Variants in A2M observed in about 807,000 individuals in gnomAD.
A2M encodes the protein alpha-2-macroglobulin.
A2M carries 128 observed loss-of-function variants against 183.9 expected under a neutral mutation model. The observed-to-expected ratio is 0.70, with a 90% CI of 0.60 to 0.81. The LOEUF (loss-of-function observed/expected upper bound fraction) is 0.81. Ranked by LOEUF, A2M falls within the 30% of genes least tolerant of loss-of-function variation. A2M has a pLI of 0.00. For synonymous variants in A2M, 592 were observed against 670.8 expected (o/e 0.88, Z 1.81); for missense variants, 1,495 against 1,787.6 (o/e 0.84, Z 2.95).
rs1003871616 is a variant in A2M at position 9,090,519 on chromosome 12, G to T, written c.2470-37C>A. 10 of 1,604,808 alleles carry T rather than the reference G, an allele frequency of 6.2e-6. No individual in the cohort carries two copies. In the Admixed American group the frequency reaches 1.5e-4, roughly 24 times the overall value. Reference sequence around the variant, plus strand: ...CATAAGAAAGGGAGTAGAGAGGGAAGGAGAACAGAGGGAGAATGGGTTTGA... The same window carrying T: ...CATAAGAAAGGGAGTAGAGAGGGAATGAGAACAGAGGGAGAATGGGTTTGA... On this transcript the variant is annotated intron_variant, in intron 19 of 35. Transcript: ENST00000318602.
chr12:9,096,377 A>G (rs1219009414), intron 15 of A2M, among the ~76,000 whole-genome samples: 1 of 152,224 alleles, frequency 6.6e-6, no homozygotes, highest in Non-Finnish European at 1.5e-5. Context: ...TTGAGATGAT[A>G]GAAGGAAATG....
intron 2 of A2M, 158 bp from the exon 3 acceptor site, chr12:9,112,694 C>T: frequency 1.4e-6 from 1 of 709,460 alleles, no homozygotes; most frequent in Non-Finnish European, 2.3e-6. Context: ...TCACTTCTGC[C>T]ATTTTACAAA....
intron 22 of A2M, among the ~76,000 whole-genome samples, chr12:9,086,681 A>C (rs1332115726): frequency 6.6e-6 from 1 of 152,248 alleles, no homozygotes; most frequent in Non-Finnish European, 1.5e-5. Flanking sequence ...TATAGCTTAC[A>C]TATTTAACAG....
intron 13 of A2M, among the ~76,000 whole-genome samples, chr12:9,099,889 C>G (rs1240580289): frequency 6.6e-6 from 1 of 152,184 alleles, no homozygotes; most frequent in Non-Finnish European, 1.5e-5. Flanking sequence ...GCTCTTTAAC[C>G]TTCTATGAGC....
At chr12:9,087,803 A>C (rs1464195731) in intron 22 of A2M, among the ~76,000 whole-genome samples, 2 of 152,106 alleles carry the variant, frequency 1.3e-5, no homozygotes, top group East Asian at 3.8e-4. Context: ...CAACAACAAC[A>C]ACCAACCAAA....
chr12:9,080,013 T>A, intron 23 of A2M, 81 bp downstream of exon 23: 1 of 1,025,948 alleles, frequency 9.7e-7, no homozygotes, highest in Non-Finnish European at 1.4e-6. Context: ...ATAGTATTAT[T>A]TTTAGTAAAT....
chr12:9,081,377 T>C (rs965508997), intron 22 of A2M, among the ~76,000 whole-genome samples: 2 of 152,164 alleles, frequency 1.3e-5, no homozygotes, highest in African/African-American at 4.8e-5. Flanking sequence ...CTGGTGGAAG[T>C]ATAAATGCAT....
intron 6 of A2M, 106 bp from the exon 7 acceptor site, chr12:9,109,511 A>G: frequency 1.2e-6 from 1 of 836,408 alleles, no homozygotes; most frequent in Non-Finnish European, 2.0e-6. Context: ...TAGGGCTCTG[A>G]AAAGGTAGCT....
intron 17 of A2M, among the ~76,000 whole-genome samples, chr12:9,094,374 T>C (rs975645227): frequency 7.1e-4 from 99 of 139,636 alleles, no homozygotes; most frequent in African/African-American, 2.4e-3. Context: ...TATATATATA[T>C]ACCTATACAT....
intron 7 of A2M, 51 bp downstream of exon 7, chr12:9,109,270 G>A (rs1177714201): frequency 4.9e-6 from 7 of 1,432,722 alleles, no homozygotes; most frequent in Non-Finnish European, 6.8e-6. Context: ...CCCAAATGGT[G>A]AGTCTCTTTT....
At chr12:9,108,469 A>G (rs1490378137) in intron 7 of A2M, among the ~76,000 whole-genome samples, 1 of 152,164 alleles carries the variant, frequency 6.6e-6, no homozygotes, top group African/African-American at 2.4e-5. Flanking sequence ...TAAATATGTC[A>G]TAGACAATTG....
At chr12:9,088,563 T>G (rs1193350762) in intron 22 of A2M, among the ~76,000 whole-genome samples, 1 of 152,102 alleles carries the variant, frequency 6.6e-6, no homozygotes, top group African/African-American at 2.4e-5. Context: ...CATACTAAAT[T>G]TGTAGGTAGT....
rs769823302 is a variant in A2M, at chr12:9,079,765, G to A, written c.2905C>T (p.Pro969Ser). ...MQNTQNLLQM[P>S]YGCGEQNMVL... ...ATATTCTGCTCTCCACAGCCATAGGGCATCTGGAGAAGATTTTGTGTGTTT... is the reference window on the plus strand; with the variant it reads ...ATATTCTGCTCTCCACAGCCATAGGACATCTGGAGAAGATTTTGTGTGTTT... The change falls in exon 24 of 36, where the codon CCC (proline) becomes TCC (serine). Residue 969 changes from proline to serine, a missense_variant. Pro to Ser is a moderately conservative substitution (Grantham distance 74). Transcript: ENST00000318602. The A allele has an allele frequency of 3.1e-6, 5 of 1,613,032 alleles. No homozygotes were observed. Among genetic ancestry groups the A allele is most frequent in the Admixed American group, 1.7e-5 (1 of 59,868 alleles).
chr12:9,101,154 C>A lies in A2M; in HGVS notation c.1548G>T (p.Lys516Asn). The A allele has an allele frequency of 6.4e-7, 1 of 1,560,134 alleles. No individual in the cohort carries two copies. The highest frequency in any genetic ancestry group is 8.7e-7 in the Non-Finnish European group (1 of 1,151,292). Residue 516 changes from lysine (K) to asparagine (N), a missense_variant, in exon 13 of 36, where the codon AAG becomes AAT. Transcript: ENST00000318602. The stretch of plus-strand genomic sequence containing the variant: ...GATGGAAATACTCACTGTCTTCCTG[C>A]TTCACAAGCAGTCCATGAGTCCCAG... ...VRTGTHGLLVKQEDMKGHFSI... is the reference protein window; with the variant it reads ...VRTGTHGLLVNQEDMKGHFSI...
At position 9,091,448 on chromosome 12, in the gene A2M, G is replaced by GAAGAACAGA; in HGVS notation, c.2241-28_2241-20dup. The stretch of plus-strand genomic sequence containing the variant: ...TGCTGAGCTGGAGAGGAGTGTAAGT[G>GAAGAACAGA]AAGAACAGAAAGTAAGCAGTTAAAT... On this transcript the variant is annotated intron_variant, in intron 18 of 35. Transcript: ENST00000318602. 1 of 1,612,904 alleles carries GAAGAACAGA rather than the reference G, an allele frequency of 6.2e-7. No homozygotes were observed.
chr12:9,068,914 A>G, intron 33 of A2M, 72 bp from the exon 34 acceptor site: 3 of 1,138,094 alleles, frequency 2.6e-6, no homozygotes, highest in Non-Finnish European at 3.7e-6. Flanking sequence ...TTAAGTATTC[A>G]CCTGTTTTTT....
chr12:9,112,564 C>A, intron 2 of A2M, 28 bp from the exon 3 acceptor site: 2 of 1,612,214 alleles, frequency 1.2e-6, no homozygotes, highest in South Asian at 1.1e-5. Context: ...TCCTGAAACC[C>A]CATTCAGCAC....
chr12:9,099,315 A>C, intron 14 of A2M, 66 bp downstream of exon 14: 1 of 1,475,876 alleles, frequency 6.8e-7, no homozygotes. Context: ...ACATGTGTAA[A>C]ACAAATGATA....
chr12:9,068,326 G>A (rs762972491), intron 34 of A2M, 102 bp from the exon 35 acceptor site: 2 of 1,203,144 alleles, frequency 1.7e-6, no homozygotes, highest in African/African-American at 3.0e-5. Context: ...TTTGTTGTGG[G>A]AAGAACAGTA....
Sources: gnomAD v4.1 joint callset for allele counts (sites outside exome capture counted in the v4.1 genomes callset) on GRCh38, gnomAD v4.1.1 for gene constraint, MANE v1.5 for transcripts, NCBI Gene and HGNC (gene_info 2026-07-23, HGNC 2026-07-21) for gene names.